Variants in POLA1 observed in about 807,000 individuals in gnomAD.
POLA1 encodes the protein DNA polymerase alpha 1, catalytic subunit.
In POLA1, 15 loss-of-function variants were observed where a neutral mutation model predicts 124.0. The observed-to-expected ratio is 0.12, with a 90% CI of 0.08 to 0.19. POLA1 has a LOEUF of 0.19. Ranked by LOEUF, POLA1 falls within the 10% of genes least tolerant of loss-of-function variation. POLA1 has a pLI of 1.00. For missense variants in POLA1, 886 were observed against 1,103.4 expected (o/e 0.80, Z 2.79); for synonymous variants, 408 against 389.4 (o/e 1.05, Z -0.56).
chrX:24,755,839 TTTAGGAATGATACAAG>T (rs1446690388), intron 26 of POLA1, among the ~76,000 whole-genome samples: 1 of 112,362 alleles, frequency 8.9e-6, no homozygotes, highest in Non-Finnish European at 1.9e-5. Flanking sequence ...AGAAATTATT[TTTAGGAATGATACAAG>T]TTAGGAATCT....
chrX:24,763,546 G>T (rs1442835299), intron 26 of POLA1, among the ~76,000 whole-genome samples: 1 of 111,138 alleles, frequency 9.0e-6, no homozygotes, highest in Admixed American at 9.6e-5. Context: ...AGAGAGGAGA[G>T]AGTGGAAAGA....
chrX:24,899,938 GT>G (rs1426625796), intron 35 of POLA1, among the ~76,000 whole-genome samples: 5 of 111,650 alleles, frequency 4.5e-5, no homozygotes, highest in Non-Finnish European at 9.4e-5. Flanking sequence ...AACTAAAAAT[GT>G]TTTTAAGTTA....
intron 4 of POLA1, among the ~76,000 whole-genome samples, chrX:24,707,961 C>T (rs1241202781): frequency 8.9e-6 from 1 of 112,201 alleles, no homozygotes; most frequent in Non-Finnish European, 1.9e-5. Flanking sequence ...TGCCACTGCA[C>T]TCCAGCCTGG....
At chrX:24,956,491 T>C (rs1356757122) in intron 36 of POLA1, among the ~76,000 whole-genome samples, 1 of 110,743 alleles carries the variant, frequency 9.0e-6, no homozygotes. Context: ...CAATCTGTTC[T>C]ATGTAATTCT....
chrX:24,981,023 G>C (rs1458506356), intron 36 of POLA1, among the ~76,000 whole-genome samples: 1 of 111,873 alleles, frequency 8.9e-6, no homozygotes, highest in Non-Finnish European at 1.9e-5. Context: ...ACTGTTACCA[G>C]GGTCTTGCCC....
At position 24,900,679 on chromosome X, in the gene POLA1, T is replaced by C. The variant is rs779247882; in HGVS notation, c.4164+12557T>C. On this transcript the variant is annotated intron_variant, in intron 35 of 36. Coordinates refer to ENST00000379068, the MANE Select transcript of POLA1 (RefSeq NM_001330360.2). ...GGGTGCCGAATGTGCGCAGGCCCTC[T>C]GTGCTATCCTTCATTGTTCCTGCAT... 6.2e-5 allele frequency among the ~76,000 whole-genome samples: 7 copies of C among 112,002 alleles called. No homozygotes were observed. In the South Asian group the frequency reaches 2.3e-3, roughly 36 times the overall value.
At chrX:24,975,095 T>C (rs1350559532) in intron 36 of POLA1, among the ~76,000 whole-genome samples, 3 of 112,362 alleles carry the variant, frequency 2.7e-5, no homozygotes, top group African/African-American at 9.7e-5. Context: ...CACTGCAACT[T>C]CTGCCTCCCA....
chrX:24,995,801 T>TG lies in POLA1; in HGVS notation c.4262-4_4262-3insG. 5 of 1,199,609 alleles carry TG rather than the reference T, an allele frequency of 4.2e-6. No homozygotes were observed. In the Admixed American group the frequency reaches 6.5e-5, roughly 16 times the overall value. Reference sequence around the variant, plus strand: ...ACTTCTAATCTCTCTCTCTCTCTTTTTAGATAAATTGAAGAAGCAATTTTT... The same window carrying TG: ...ACTTCTAATCTCTCTCTCTCTCTTTTGTAGATAAATTGAAGAAGCAATTTTT... On this transcript the variant is annotated splice_region_variant and splice_polypyrimidine_tract_variant and intron_variant, in intron 36 of 36. Coordinates refer to ENST00000379068, the MANE Select transcript of POLA1 (RefSeq NM_001330360.2).
intron 2 of POLA1, among the ~76,000 whole-genome samples, chrX:24,702,121 C>T (rs1316980628): frequency 9.9e-6 from 1 of 100,687 alleles, no homozygotes; most frequent in African/African-American, 3.7e-5. Flanking sequence ...GAGTGCAGTG[C>T]ATGATCTCGG....
intron 26 of POLA1, among the ~76,000 whole-genome samples, chrX:24,773,436 C>T (rs1288586334): frequency 9.0e-6 from 1 of 111,689 alleles, no homozygotes; most frequent in Non-Finnish European, 1.9e-5. Context: ...TCTTCTGTAC[C>T]ATACTGTGGG....
chrX:24,951,739 A>G (rs1474147664), intron 36 of POLA1, among the ~76,000 whole-genome samples: 1 of 111,801 alleles, frequency 8.9e-6, no homozygotes, highest in Non-Finnish European at 1.9e-5. Context: ...ATGCCCTTTG[A>G]ATCTTGCCTT....
At chrX:24,810,204 T>C (rs779587329) in intron 27 of POLA1, among the ~76,000 whole-genome samples, 1 of 111,635 alleles carries the variant, frequency 9.0e-6, no homozygotes, top group Non-Finnish European at 1.9e-5. Flanking sequence ...GTATGTGCTC[T>C]AGTGTTGTTT....
At chrX:24,949,133 C>T (rs998936771) in intron 36 of POLA1, among the ~76,000 whole-genome samples, 1 of 111,608 alleles carries the variant, frequency 9.0e-6, no homozygotes, top group African/African-American at 3.3e-5. Context: ...GACATGGGAC[C>T]ACATGGGAAG....
chrX:24,772,551 C>T (rs2045059666), intron 26 of POLA1, among the ~76,000 whole-genome samples: 1 of 110,295 alleles, frequency 9.1e-6, no homozygotes, highest in Non-Finnish European at 1.9e-5. Context: ...CAAGCCTCCA[C>T]CCTCCGAGAG....
chrX:24,823,996 A>G (rs2046132249), intron 31 of POLA1, among the ~76,000 whole-genome samples: 2 of 112,405 alleles, frequency 1.8e-5, no homozygotes, highest in Admixed American at 9.4e-5. Flanking sequence ...TTCATTAGAC[A>G]TAATTTCCAT....
intron 26 of POLA1, among the ~76,000 whole-genome samples, chrX:24,804,877 A>C (rs1033576512): frequency 3.6e-5 from 4 of 112,111 alleles, no homozygotes; most frequent in African/African-American, 1.3e-4. Flanking sequence ...AGGAGAACCT[A>C]CAAATACACA....
intron 28 of POLA1, among the ~76,000 whole-genome samples, chrX:24,811,065 T>C (rs2045890507): frequency 9.0e-6 from 1 of 110,937 alleles, no homozygotes; most frequent in South Asian, 3.9e-4. Flanking sequence ...TCCTCCCGCC[T>C]CAGCCTCCCG....
intron 36 of POLA1, among the ~76,000 whole-genome samples, chrX:24,968,260 A>G (rs1010930895): frequency 8.9e-6 from 1 of 111,827 alleles, no homozygotes; most frequent in Non-Finnish European, 1.9e-5. Context: ...TTACCTTCCC[A>G]TTAACCATCA....
chrX:24,753,317 CTATTTTATTTTATTTTATTT>C (rs368623044), intron 26 of POLA1, among the ~76,000 whole-genome samples: 111 of 89,622 alleles, frequency 1.2e-3, no homozygotes, highest in Middle Eastern at 5.8e-3. Flanking sequence ...CACGCCAGGC[CTATTTTATTTTATTTTATTT>C]TATTTTATTT....
Sources: allele counts gnomAD v4.1 joint callset (sites outside exome capture counted in the v4.1 genomes callset), GRCh38; gene constraint gnomAD v4.1.1; transcripts MANE v1.5; gene names NCBI Gene and HGNC (gene_info 2026-07-23, HGNC 2026-07-21).